Variants in MEAF6 observed in about 807,000 individuals in gnomAD.
The protein encoded by MEAF6 is MYST/Esa1 associated factor 6.
MEAF6 carries 15 observed loss-of-function variants against 28.9 expected under a neutral mutation model. The ratio of observed to expected loss-of-function variants is 0.52; its 90% CI spans 0.35 to 0.80. The LOEUF (loss-of-function observed/expected upper bound fraction) is 0.80, where lower values mean the gene tolerates loss of function less well. Ranked by LOEUF, MEAF6 falls within the 30% of genes least tolerant of loss-of-function variation. The probability of loss-of-function intolerance (pLI) is 0.01; values close to 1 mark genes in which losing one functional copy is unlikely to be tolerated. For missense variants in MEAF6, 178 were observed against 237.5 expected (o/e 0.75, Z 1.65); for synonymous variants, 97 against 88.7 (o/e 1.09, Z -0.53).
intron 2 of MEAF6, among the ~76,000 whole-genome samples, 169 bp from the exon 3 acceptor site, chr1:37,509,711 T>C (rs2036637): frequency 0.76 from 115,136 of 152,244 alleles, 45,353 homozygotes; most frequent in East Asian, 0.95. Flanking sequence ...ATGGTACATG[T>C]CCCACTGTGA....
At chr1:37,514,539 C>T in intron 1 of MEAF6, 118 bp downstream of exon 1, 1 of 693,154 alleles carries the variant, frequency 1.4e-6, no homozygotes, top group Non-Finnish European at 2.0e-6. Flanking sequence ...CGCCGAGCAC[C>T]CGGCCCGCCG....
chr1:37,492,186 G>A lies in MEAF6; in HGVS notation c.*1913C>T, dbSNP rs1293105312. ...TGGGACTACCGGCACCCGCCACCAC[G>A]CTCAGCTAATTTTTTGCATTTTTAG... On this transcript the variant is annotated 3_prime_UTR_variant, in exon 7 of 7. Coordinates refer to ENST00000296214, the MANE Select transcript of MEAF6 (RefSeq NM_001270875.3). Among the ~76,000 whole-genome samples the A allele has an allele frequency of 6.6e-6, 1 of 151,968 alleles. No individual in the cohort carries two copies. Among genetic ancestry groups the A allele is most frequent in the Non-Finnish European group, 1.5e-5 (1 of 67,986 alleles).
intron 2 of MEAF6, 112 bp from the exon 3 acceptor site, chr1:37,509,654 C>G: frequency 1.2e-6 from 1 of 840,404 alleles, no homozygotes; most frequent in South Asian, 1.7e-5. Context: ...CTCAGACTGG[C>G]CCAAACGACC....
intron 2 of MEAF6, 118 bp from the exon 3 acceptor site, chr1:37,509,660 C>T (rs1344093907): frequency 3.7e-6 from 3 of 802,802 alleles, no homozygotes; most frequent in East Asian, 5.0e-5. Flanking sequence ...CTGGCCCAAA[C>T]GACCTTTATG....
At chr1:37,504,354 A>G (rs1271773370) in intron 4 of MEAF6, among the ~76,000 whole-genome samples, 1 of 152,192 alleles carries the variant, frequency 6.6e-6, no homozygotes, top group Non-Finnish European at 1.5e-5. Flanking sequence ...TAATACAGGT[A>G]TATTTGTATT....
At chr1:37,498,215 T>C (rs981141066) in intron 5 of MEAF6, among the ~76,000 whole-genome samples, 8 of 152,152 alleles carry the variant, frequency 5.3e-5, no homozygotes, top group Admixed American at 6.5e-5. Flanking sequence ...TCTCACAAAA[T>C]AGTTTCACTT....
rs1376969195 is a variant in MEAF6, at chr1:37,492,720, T to C, written c.*1379A>G. 3.3e-5 allele frequency: 5 copies of C among 152,600 alleles called. No homozygotes were observed. Among genetic ancestry groups the C allele is most frequent in the Non-Finnish European group, 7.3e-5 (5 of 68,036 alleles). The allele number at this position is 152,600 out of a possible 1,614,324, so 9.5% of individuals were successfully genotyped here. ...AAACATACTATTTCTTACAAAGATA[T>C]AGGCATAAGTCAAGGACTATGACTA... On this transcript the variant is annotated 3_prime_UTR_variant, in exon 7 of 7. Coordinates refer to ENST00000296214, the MANE Select transcript of MEAF6 (RefSeq NM_001270875.3).
chr1:37,501,662 A>C (rs1459763392), intron 5 of MEAF6, 142 bp downstream of exon 5: 6 of 768,426 alleles, frequency 7.8e-6, no homozygotes, highest in African/African-American at 1.7e-5. Flanking sequence ...TGAGCAAATT[A>C]GCCCGTTCAC....
intron 5 of MEAF6, among the ~76,000 whole-genome samples, chr1:37,497,576 G>GTATT (rs58313664): frequency 0.1 from 15,177 of 149,752 alleles, 888 homozygotes; most frequent in Admixed American, 0.14. Context: ...TGCAGCACCC[G>GTATT]TATTTATTTA....
intron 6 of MEAF6, among the ~76,000 whole-genome samples, chr1:37,495,000 C>T (rs1192042583): frequency 6.6e-6 from 1 of 151,192 alleles, no homozygotes; most frequent in Non-Finnish European, 1.5e-5. Flanking sequence ...CTAGTATTAA[C>T]AATTTATTAT....
chr1:37,499,157 A>G (rs1642214728), intron 5 of MEAF6, among the ~76,000 whole-genome samples: 1 of 152,120 alleles, frequency 6.6e-6, no homozygotes, highest in Non-Finnish European at 1.5e-5. Context: ...TTTCAAGAAA[A>G]AAAAAAATTT....
rs1436444102 is a variant in MEAF6 at position 37,498,408 on chromosome 1, T to TA, written c.534-2491_534-2490insT. On this transcript the variant is annotated intron_variant, in intron 5 of 6. Coordinates refer to ENST00000296214, the MANE Select transcript of MEAF6 (RefSeq NM_001270875.3). ...AACTTATAAGAGTAGCTATGTTATT[T>TA]TTTATTATTATTATTATTATTATTA... Among the ~76,000 whole-genome samples the TA allele has an allele frequency of 8.4e-3, 840 of 100,462 alleles. 11 individuals are homozygous for TA. The highest frequency in any genetic ancestry group is 0.024 in the African/African-American group (717 of 29,966). 65.9% of individuals were successfully genotyped at this position (100,462 alleles called of 152,430 possible).
chr1:37,503,057 C>T (rs374994861), intron 4 of MEAF6, among the ~76,000 whole-genome samples: 43 of 152,240 alleles, frequency 2.8e-4, no homozygotes, highest in African/African-American at 1.0e-3. Context: ...ATCCTCCCAT[C>T]TCAGCCTCCC....
At chr1:37,502,550 TTTC>T (rs1187262235) in intron 4 of MEAF6, among the ~76,000 whole-genome samples, 2 of 127,022 alleles carry the variant, frequency 1.6e-5, no homozygotes, top group Non-Finnish European at 3.6e-5. Context: ...TCCATTGTTT[TTTC>T]TTGTTTTTTT....
At position 37,494,003 on chromosome 1, in the gene MEAF6, A is replaced by G; in HGVS notation, c.*96T>C. The G allele has an allele frequency of 6.3e-7, 1 of 1,587,226 alleles. No individual in the cohort carries two copies. Among genetic ancestry groups the G allele is most frequent in the Non-Finnish European group, 8.5e-7 (1 of 1,170,718 alleles). On this transcript the variant is annotated 3_prime_UTR_variant, in exon 7 of 7. Transcript: ENST00000296214. ...ACTGGGTCTGGGAGAGCAGAGGTGG[A>G]TGGCCACGAACTCAGGTGAAGGATG...
At position 37,500,941 on chromosome 1, in the gene MEAF6, T is replaced by C. The variant is rs146107804; in HGVS notation, c.533+863A>G. ...GAACTCTTACCCTGGCTTCGGAACT[T>C]CTAGGAGGCATGGAAACAGGTATGT... On this transcript the variant is annotated intron_variant, in intron 5 of 6. Transcript: ENST00000296214. 7.8e-5 allele frequency: 12 copies of C among 154,266 alleles called. 1 individual carries two copies. In the East Asian group the frequency reaches 2.3e-3, roughly 30 times the overall value. The allele number at this position is 154,266 out of a possible 1,614,324, so 9.6% of individuals were successfully genotyped here. A position where few individuals can be genotyped will look rare whatever the true frequency, so the allele number is the denominator to read the frequency against.
At chr1:37,495,987 G>T in intron 5 of MEAF6, 69 bp from the exon 6 acceptor site, 1 of 1,229,194 alleles carries the variant, frequency 8.1e-7, no homozygotes, top group Non-Finnish European at 1.2e-6. Context: ...ATCAGCTACT[G>T]CATAGGGCAT....
At position 37,491,415 on chromosome 1, in the gene MEAF6, G is replaced by C; in HGVS notation, c.*2684C>G. Among the ~76,000 whole-genome samples, 1 of 152,254 alleles carries C rather than the reference G, an allele frequency of 6.6e-6. No individual in the cohort carries two copies. Among genetic ancestry groups the C allele is most frequent in the Middle Eastern group, 3.2e-3 (1 of 316 alleles). ...AGCTACTGGGGAGGCTGAGGCAGGA[G>C]AATTGCTTGATACCTATAATCCCAG... On this transcript the variant is annotated 3_prime_UTR_variant, in exon 7 of 7. Transcript: ENST00000296214.
intron 4 of MEAF6, among the ~76,000 whole-genome samples, chr1:37,503,359 T>C (rs1005926606): frequency 6.6e-6 from 1 of 152,204 alleles, no homozygotes; most frequent in African/African-American, 2.4e-5. Context: ...TATATATTTT[T>C]AAGACTATAG....
Sources: allele counts gnomAD v4.1 joint callset (sites outside exome capture counted in the v4.1 genomes callset), GRCh38; gene constraint gnomAD v4.1.1; transcripts MANE v1.5; gene names NCBI Gene and HGNC (gene_info 2026-07-23, HGNC 2026-07-21).